Variants in KLHL32 observed in about 807,000 individuals in gnomAD.
The protein encoded by KLHL32 is kelch-like protein 32.
In KLHL32, 35 loss-of-function variants were observed where a neutral mutation model predicts 64.8. That is an observed-to-expected ratio of 0.54 (90% CI 0.41 to 0.72). The LOEUF (loss-of-function observed/expected upper bound fraction) is 0.72. Among genes scored for constraint, KLHL32 ranks in the 30% least tolerant of loss-of-function variants. The probability of loss-of-function intolerance (pLI) is 0.00; values close to 1 mark genes in which losing one functional copy is unlikely to be tolerated. For missense variants in KLHL32, 589 were observed against 768.5 expected (o/e 0.77, Z 2.76); for synonymous variants, 259 against 281.0 (o/e 0.92, Z 0.78).
At chr6:97,125,514 G>A (rs1356617401) in intron 7 of KLHL32, among the ~76,000 whole-genome samples, 1 of 152,206 alleles carries the variant, frequency 6.6e-6, no homozygotes, top group African/African-American at 2.4e-5. Context: ...ATTAAGCAAA[G>A]TTTTTAAGAG....
intron 5 of KLHL32, among the ~76,000 whole-genome samples, chr6:97,065,109 A>G (rs951150107): frequency 1.3e-5 from 2 of 152,212 alleles, no homozygotes; most frequent in African/African-American, 4.8e-5. Flanking sequence ...TCTAATAGTC[A>G]TTGAAGATTT....
intron 5 of KLHL32, among the ~76,000 whole-genome samples, chr6:97,074,129 C>G (rs763246923): frequency 2.6e-5 from 4 of 152,190 alleles, no homozygotes; most frequent in Non-Finnish European, 4.4e-5. Flanking sequence ...TCATTCCTGT[C>G]TTCACTGAAA....
At chr6:97,053,063 A>G (rs551625287) in intron 4 of KLHL32, among the ~76,000 whole-genome samples, 80 of 151,712 alleles carry the variant, frequency 5.3e-4, no homozygotes, top group Middle Eastern at 3.4e-3. Flanking sequence ...TGACCCACTT[A>G]TAATAGTTAT....
chr6:96,913,714 A>C, the KLHL32 span, among the ~76,000 whole-genome samples: 9 of 152,184 alleles, frequency 5.9e-5, no homozygotes, highest in Non-Finnish European at 1.2e-4. Flanking sequence ...GAAAGTAATG[A>C]TTCTGAGAGT....
At chr6:96,955,761 A>AC (rs1192109773) in intron 1 of KLHL32, among the ~76,000 whole-genome samples, 1 of 151,880 alleles carries the variant, frequency 6.6e-6, no homozygotes, top group Non-Finnish European at 1.5e-5. Context: ...ACATGGTGAA[A>AC]CCCCGTCTCT....
chr6:97,062,587 TA>T (rs1285616634), intron 4 of KLHL32: 1 of 152,250 alleles, frequency 6.6e-6, no homozygotes, highest in Non-Finnish European at 1.5e-5. Context: ...TTCTTTCTTA[TA>T]AAATTAGTTA....
intron 3 of KLHL32, among the ~76,000 whole-genome samples, chr6:96,985,346 T>G (rs1025229339): frequency 3.3e-5 from 5 of 152,172 alleles, no homozygotes; most frequent in Non-Finnish European, 5.9e-5. Context: ...GACAATTATG[T>G]GTCTTGGAGT....
intron 3 of KLHL32, among the ~76,000 whole-genome samples, chr6:97,002,158 G>A (rs185857637): frequency 6.6e-6 from 1 of 152,284 alleles, no homozygotes; most frequent in East Asian, 1.9e-4. Flanking sequence ...CTGAGTATAA[G>A]TCCAAAGGTA....
chr6:96,920,213 G>C (rs1280756004), upstream of KLHL32, among the ~76,000 whole-genome samples: 2 of 152,210 alleles, frequency 1.3e-5, no homozygotes, highest in Non-Finnish European at 2.9e-5. Context: ...TTGGAGAGCA[G>C]AGTTGGCATC....
At chr6:97,064,265 T>G (rs920869167) in intron 4 of KLHL32, among the ~76,000 whole-genome samples, 12 of 152,320 alleles carry the variant, frequency 7.9e-5, no homozygotes, top group African/African-American at 2.4e-4. Context: ...TTTGAAAAAC[T>G]AAAACTCAGT....
chr6:96,930,751 C>T (rs1216271548), intron 1 of KLHL32, among the ~76,000 whole-genome samples: 1 of 152,042 alleles, frequency 6.6e-6, no homozygotes, highest in Non-Finnish European at 1.5e-5. Flanking sequence ...ATAGCTTGGA[C>T]TCAATGATGT....
intron 1 of KLHL32, among the ~76,000 whole-genome samples, chr6:96,934,820 A>G (rs925180043): frequency 5.9e-5 from 9 of 152,200 alleles, no homozygotes; most frequent in African/African-American, 2.2e-4. Context: ...CCAACTGGAG[A>G]ATGCCATTTC....
At chr6:97,060,138 T>C (rs1788637343) in intron 4 of KLHL32, among the ~76,000 whole-genome samples, 1 of 151,990 alleles carries the variant, frequency 6.6e-6, no homozygotes, top group African/African-American at 2.4e-5. Flanking sequence ...AGCAGGTAAT[T>C]AAAAAATCTC....
At chr6:97,003,013 G>A (rs1779229615) in intron 3 of KLHL32, among the ~76,000 whole-genome samples, 1 of 152,082 alleles carries the variant, frequency 6.6e-6, no homozygotes, top group African/African-American at 2.4e-5. Context: ...CTTTGGGTAT[G>A]TACCCAATAA....
At chr6:97,021,359 C>G (rs575707347) in intron 3 of KLHL32, among the ~76,000 whole-genome samples, 9 of 150,822 alleles carry the variant, frequency 6.0e-5, no homozygotes, top group Admixed American at 3.9e-4. Context: ...CCCAGGAGAG[C>G]CGATGATGTA....
chr6:97,031,313 T>C (rs1039708211), intron 3 of KLHL32, among the ~76,000 whole-genome samples: 1 of 151,672 alleles, frequency 6.6e-6, no homozygotes. Context: ...TTCTAGTTTT[T>C]AAAAATTATA....
At chr6:97,083,362 C>T (rs1217829127) in intron 5 of KLHL32, among the ~76,000 whole-genome samples, 1 of 150,604 alleles carries the variant, frequency 6.6e-6, no homozygotes, top group Non-Finnish European at 1.5e-5. Flanking sequence ...TGCATTCCAG[C>T]CTGGGCGACA....
upstream of KLHL32, among the ~76,000 whole-genome samples, chr6:96,924,454 C>T (rs567550223): frequency 3.6e-5 from 5 of 139,624 alleles, no homozygotes; most frequent in Non-Finnish European, 7.7e-5. Flanking sequence ...CGCGCGCTGG[C>T]AGCTCGCCGA....
intron 3 of KLHL32, among the ~76,000 whole-genome samples, chr6:97,004,686 G>C (rs1006910364): frequency 5.3e-5 from 8 of 152,010 alleles, no homozygotes; most frequent in African/African-American, 1.9e-4. Context: ...TAACATGAAG[G>C]GATATTTAAT....
Sources: gnomAD v4.1 joint callset for allele counts (sites outside exome capture counted in the v4.1 genomes callset) on GRCh38, gnomAD v4.1.1 for gene constraint, MANE v1.5 for transcripts, NCBI Gene and HGNC (gene_info 2026-07-23, HGNC 2026-07-21) for gene names.